The following EPB41L4A variants were observed in gnomAD, a reference collection of about 807,000 sequenced individuals.
EPB41L4A encodes band 4.1-like protein 4A.
In EPB41L4A, 100 loss-of-function variants were observed where a neutral mutation model predicts 108.6. The observed-to-expected ratio is 0.92, with a 90% CI of 0.78 to 1.09. EPB41L4A has a LOEUF of 1.09. Ranked by LOEUF, EPB41L4A falls within the 50% of genes least tolerant of loss-of-function variation. The pLI is 0.00. For missense variants in EPB41L4A, 1,030 were observed against 842.7 expected, an observed-to-expected ratio of 1.22 and a Z score of -2.75; for synonymous variants, 319 against 289.0, an observed-to-expected ratio of 1.10 and a Z score of -1.05.
intron 1 of EPB41L4A, among the ~76,000 whole-genome samples, chr5:112,331,940 C>T (rs549208596): frequency 8.7e-4 from 133 of 152,318 alleles, no homozygotes; most frequent in Non-Finnish European, 1.5e-3. Context: ...CAAGTGACTC[C>T]CAAGAACAGC....
At chr5:112,202,672 G>C (rs1205531237) in intron 15 of EPB41L4A, among the ~76,000 whole-genome samples, 3 of 152,042 alleles carry the variant, frequency 2.0e-5, no homozygotes, top group African/African-American at 7.2e-5. Context: ...AGGTAATATA[G>C]ACCCTTCTCT....
chr5:112,221,233 G>C (rs1239272547), intron 12 of EPB41L4A, among the ~76,000 whole-genome samples: 1 of 152,116 alleles, frequency 6.6e-6, no homozygotes, highest in Non-Finnish European at 1.5e-5. Flanking sequence ...TAGCATCATG[G>C]ACTGCCTCTA....
intron 17 of EPB41L4A, among the ~76,000 whole-genome samples, chr5:112,184,348 C>T (rs1422054536): frequency 1.3e-5 from 2 of 152,094 alleles, no homozygotes; most frequent in East Asian, 1.9e-4. Context: ...TATATGTAAA[C>T]ACATTATTTG....
chr5:112,161,647 G>C (rs773753835), downstream of EPB41L4A: 1 of 518,678 alleles, frequency 1.9e-6, no homozygotes, highest in Non-Finnish European at 3.9e-6. Context: ...GCGTGATCTT[G>C]ACCCTGCTAG....
chr5:112,252,685 T>C (rs1389730278), intron 9 of EPB41L4A, among the ~76,000 whole-genome samples: 2 of 151,938 alleles, frequency 1.3e-5, no homozygotes, highest in Admixed American at 1.3e-4. Flanking sequence ...CAACAGACAC[T>C]GGGGACTACT....
intron 1 of EPB41L4A, among the ~76,000 whole-genome samples, chr5:112,395,312 T>C (rs1213971587): frequency 6.6e-6 from 1 of 152,168 alleles, no homozygotes; most frequent in East Asian, 1.9e-4. Flanking sequence ...ACAGGCAACC[T>C]ACAGAATGGG....
intron 1 of EPB41L4A, among the ~76,000 whole-genome samples, chr5:112,312,145 T>C (rs1189934211): frequency 6.6e-6 from 1 of 152,196 alleles, no homozygotes; most frequent in Non-Finnish European, 1.5e-5. Context: ...AAAAAGGATC[T>C]AATATTCTAC....
intron 1 of EPB41L4A, among the ~76,000 whole-genome samples, chr5:112,335,681 A>T (rs1361702994): frequency 6.6e-6 from 1 of 152,200 alleles, no homozygotes; most frequent in Non-Finnish European, 1.5e-5. Flanking sequence ...TGGTGTCCCC[A>T]TATCTACTTC....
intron 11 of EPB41L4A, 113 bp downstream of exon 11, chr5:112,239,547 G>A (rs1321126435): frequency 5.4e-6 from 3 of 550,580 alleles, no homozygotes; most frequent in Non-Finnish European, 9.3e-6. Flanking sequence ...AAACACATTG[G>A]CAATGCAAGA....
At chr5:112,208,506 T>G (rs537625916) in intron 13 of EPB41L4A, among the ~76,000 whole-genome samples, 1 of 152,230 alleles carries the variant, frequency 6.6e-6, no homozygotes, top group South Asian at 2.1e-4. Context: ...TGTTCTCACT[T>G]ATAAGTGGGA....
At chr5:112,379,724 A>G (rs1231664041) in intron 1 of EPB41L4A, among the ~76,000 whole-genome samples, 2 of 152,200 alleles carry the variant, frequency 1.3e-5, no homozygotes, top group African/African-American at 2.4e-5. Context: ...AGCATTTACC[A>G]AACTCAGACT....
chr5:112,370,890 G>A (rs994333699), intron 1 of EPB41L4A, among the ~76,000 whole-genome samples: 1 of 152,218 alleles, frequency 6.6e-6, no homozygotes, highest in African/African-American at 2.4e-5. Flanking sequence ...AGTAAGCTGA[G>A]ACTGCACCAC....
intron 13 of EPB41L4A, among the ~76,000 whole-genome samples, chr5:112,209,080 G>A (rs919595933): frequency 3.3e-5 from 5 of 152,178 alleles, no homozygotes; most frequent in Admixed American, 1.3e-4. Flanking sequence ...ACTCCTCAAA[G>A]TAGCCACAAT....
intron 1 of EPB41L4A, among the ~76,000 whole-genome samples, chr5:112,391,214 G>C (rs534221623): frequency 1.3e-5 from 2 of 152,320 alleles, no homozygotes; most frequent in South Asian, 2.1e-4. Flanking sequence ...AAGCTGGACA[G>C]AGAATGACTT....
intron 12 of EPB41L4A, among the ~76,000 whole-genome samples, chr5:112,154,851 A>T (rs1759595352): frequency 2.0e-5 from 3 of 152,222 alleles, no homozygotes; most frequent in Admixed American, 1.3e-4. Context: ...CCTCTGGCAC[A>T]CATTAAGAAT....
At chr5:112,312,583 C>T (rs951635412) in intron 1 of EPB41L4A, among the ~76,000 whole-genome samples, 1 of 152,192 alleles carries the variant, frequency 6.6e-6, no homozygotes, top group African/African-American at 2.4e-5. Context: ...AGCAAATACA[C>T]ACATGAAAAC....
At chr5:112,227,403 G>T (rs561051620) in intron 12 of EPB41L4A, among the ~76,000 whole-genome samples, 13 of 152,260 alleles carry the variant, frequency 8.5e-5, no homozygotes, top group Non-Finnish European at 1.6e-4. Flanking sequence ...CATCCTTTTG[G>T]TTTAGGAGAA....
At chr5:112,366,785 G>A (rs1759147981) in intron 1 of EPB41L4A, among the ~76,000 whole-genome samples, 1 of 152,132 alleles carries the variant, frequency 6.6e-6, no homozygotes, top group African/African-American at 2.4e-5. Context: ...CACTGCAGGA[G>A]GAAGGGCAAG....
At chr5:112,256,671 G>A (rs1751119322) in intron 9 of EPB41L4A, among the ~76,000 whole-genome samples, 1 of 151,922 alleles carries the variant, frequency 6.6e-6, no homozygotes, top group Admixed American at 6.6e-5. Flanking sequence ...GCAAAAAAGG[G>A]AAAATTCTTA....
Sources: gnomAD v4.1 joint callset for allele counts (sites outside exome capture counted in the v4.1 genomes callset) on GRCh38, gnomAD v4.1.1 for gene constraint, MANE v1.5 for transcripts, NCBI Gene and HGNC (gene_info 2026-07-23, HGNC 2026-07-21) for gene names.